AMPH: variants seen among roughly 807,000 people sequenced by gnomAD.
AMPH encodes amphiphysin (Stiff-Mann syndrome with breast cancer 128kD autoantigen).
A neutral mutation model predicts 99.1 loss-of-function variants in AMPH; 49 were observed. That is an observed-to-expected ratio of 0.49 (90% CI 0.39 to 0.63). The LOEUF (loss-of-function observed/expected upper bound fraction) is 0.63. AMPH is among the 20% of genes least tolerant of loss of function. AMPH has a pLI of 0.00. For synonymous variants in AMPH, 314 were observed against 317.3 expected, an observed-to-expected ratio of 0.99 and a Z score of 0.11; for missense variants, 759 against 863.4, an observed-to-expected ratio of 0.88 and a Z score of 1.52.
chr7:38,630,882 C>A (rs1208881652), intron 1 of AMPH, among the ~76,000 whole-genome samples: 1 of 152,234 alleles, frequency 6.6e-6, no homozygotes, highest in East Asian at 1.9e-4. Context: ...TGCCTGCGGG[C>A]GCGCTGGGAG....
chr7:38,612,081 C>CTTG (rs1793700705), intron 1 of AMPH, among the ~76,000 whole-genome samples: 1 of 119,672 alleles, frequency 8.4e-6, no homozygotes, highest in Admixed American at 9.4e-5. Flanking sequence ...GATTTTTTGT[C>CTTG]TTCTTCTTTT....
intron 9 of AMPH, 34 bp from the exon 10 acceptor site, chr7:38,463,147 T>C: frequency 6.2e-7 from 1 of 1,613,806 alleles, no homozygotes; most frequent in Non-Finnish European, 8.5e-7. Flanking sequence ...CAAGGGGCCT[T>C]CTCAAGAACA....
At chr7:38,559,059 T>C (rs925501668) in intron 1 of AMPH, among the ~76,000 whole-genome samples, 10 of 152,242 alleles carry the variant, frequency 6.6e-5, no homozygotes, top group African/African-American at 2.2e-4. Flanking sequence ...ACAAAGGACA[T>C]GCCCTTTCCA....
chr7:38,620,221 G>T (rs1167143280), intron 1 of AMPH, among the ~76,000 whole-genome samples: 3 of 151,834 alleles, frequency 2.0e-5, no homozygotes, highest in Admixed American at 2.0e-4. Context: ...ATTAAGTCAA[G>T]TTGCCAGCCT....
chr7:38,412,447 C>A (rs1248238022), intron 17 of AMPH, among the ~76,000 whole-genome samples: 1 of 152,160 alleles, frequency 6.6e-6, no homozygotes, highest in Non-Finnish European at 1.5e-5. Context: ...GGAAATCACA[C>A]TCCAGAAGGC....
At chr7:38,613,050 A>T (rs549611377) in intron 1 of AMPH, among the ~76,000 whole-genome samples, 2 of 151,186 alleles carry the variant, frequency 1.3e-5, no homozygotes, top group East Asian at 1.9e-4. Context: ...CTGCAACCTT[A>T]AAAAAAAAGC....
chr7:38,434,150 T>C (rs17171340), intron 12 of AMPH, among the ~76,000 whole-genome samples: 1 of 152,170 alleles, frequency 6.6e-6, no homozygotes, highest in Non-Finnish European at 1.5e-5. Context: ...GAGGGTTTTA[T>C]TACCTGGCCC....
At chr7:38,606,470 T>G (rs755256498) in intron 1 of AMPH, among the ~76,000 whole-genome samples, 2 of 152,146 alleles carry the variant, frequency 1.3e-5, no homozygotes, top group African/African-American at 4.8e-5. Context: ...AGGTGGAATA[T>G]CTACAATACA....
At chr7:38,606,319 T>G (rs1020759549) in intron 1 of AMPH, among the ~76,000 whole-genome samples, 1 of 152,188 alleles carries the variant, frequency 6.6e-6, no homozygotes, top group Non-Finnish European at 1.5e-5. Context: ...CACTGTCTAG[T>G]TCCGGAATAT....
intron 6 of AMPH, among the ~76,000 whole-genome samples, chr7:38,475,623 G>T (rs889532765): frequency 6.6e-6 from 1 of 152,156 alleles, no homozygotes; most frequent in African/African-American, 2.4e-5. Flanking sequence ...GATTACAATG[G>T]TTGCTCTTGC....
At chr7:38,415,156 TA>T (rs1356320264) in intron 17 of AMPH, among the ~76,000 whole-genome samples, 1 of 152,128 alleles carries the variant, frequency 6.6e-6, no homozygotes, top group East Asian at 1.9e-4. Flanking sequence ...ATGTAATAAT[TA>T]AACTTTTCTT....
intron 2 of AMPH, among the ~76,000 whole-genome samples, chr7:38,533,055 AC>A (rs1010992378): frequency 1.3e-5 from 2 of 152,230 alleles, no homozygotes; most frequent in Admixed American, 6.5e-5. Context: ...CTGCAAAGTC[AC>A]AGGGCACTGA....
At chr7:38,428,928 G>C (rs980196567) in intron 14 of AMPH, 1 of 1,032,330 alleles carries the variant, frequency 9.7e-7, no homozygotes. Flanking sequence ...AATTTTTAAG[G>C]TCTTATGGTC....
At chr7:38,618,383 G>GCAC (rs1562865220) in intron 1 of AMPH, among the ~76,000 whole-genome samples, 1 of 151,872 alleles carries the variant, frequency 6.6e-6, no homozygotes, top group Admixed American at 6.6e-5. Flanking sequence ...GTGGTGGCAT[G>GCAC]CACCTGTAGT....
chr7:38,421,080 T>A (rs1289509014), intron 16 of AMPH: 1 of 456,274 alleles, frequency 2.2e-6, no homozygotes, highest in African/African-American at 2.0e-5. Context: ...AAAGCTAAGT[T>A]CCCCATGGAA....
At chr7:38,406,722 CTCCCTTTCCCT>C (rs1562732354) in intron 17 of AMPH, among the ~76,000 whole-genome samples, 91 of 109,826 alleles carry the variant, frequency 8.3e-4, no homozygotes, top group Admixed American at 2.8e-3. Context: ...TCCTCTCTCT[CTCCCTTTCCCT>C]CTCTCTCTCT....
chr7:38,410,745 C>T (rs553835506), intron 17 of AMPH, among the ~76,000 whole-genome samples: 1 of 152,284 alleles, frequency 6.6e-6, no homozygotes, highest in South Asian at 2.1e-4. Flanking sequence ...AGTTAGTTCC[C>T]CATATTCCTA....
At chr7:38,470,782 C>A (rs998920129) in intron 7 of AMPH, among the ~76,000 whole-genome samples, 1 of 152,122 alleles carries the variant, frequency 6.6e-6, no homozygotes, top group East Asian at 1.9e-4. Flanking sequence ...TTCTTCAACT[C>A]AACATATATA....
chr7:38,385,008 A>G, intron 20 of AMPH, 83 bp from the exon 21 acceptor site: 1 of 1,262,314 alleles, frequency 7.9e-7, no homozygotes, highest in Non-Finnish European at 1.1e-6. Flanking sequence ...AATGTGTTAC[A>G]TTAGTGTTGT....
Sources: allele counts gnomAD v4.1 joint callset (sites outside exome capture counted in the v4.1 genomes callset), GRCh38; gene constraint gnomAD v4.1.1; transcripts MANE v1.5; gene names NCBI Gene and HGNC (gene_info 2026-07-23, HGNC 2026-07-21).